Variants in TRIO observed in about 807,000 individuals in gnomAD.
TRIO encodes the protein trio Rho guanine nucleotide exchange factor.
A neutral mutation model predicts 351.9 loss-of-function variants in TRIO; 58 were observed. The ratio of observed to expected loss-of-function variants is 0.16; its 90% CI spans 0.13 to 0.21. The LOEUF is 0.21. Among genes scored for constraint, TRIO ranks in the 10% least tolerant of loss-of-function variants. The pLI is 1.00. For missense variants in TRIO, 3,201 were observed against 4,027.8 expected (o/e 0.79, Z 5.56); for synonymous variants, 1,758 against 1,595.7 (o/e 1.10, Z -2.42).
At chr5:14,490,914 T>A (rs1419498213) in intron 48 of TRIO, 2 of 453,588 alleles carry the variant, frequency 4.4e-6, no homozygotes, top group African/African-American at 4.0e-5. Flanking sequence ...AAGTCCATGC[T>A]AAAAGTATAA....
chr5:14,242,901 CT>C (rs1170273332), intron 1 of TRIO, among the ~76,000 whole-genome samples: 9 of 152,202 alleles, frequency 5.9e-5, no homozygotes, highest in Non-Finnish European at 1.0e-4. Flanking sequence ...AACACAGGCC[CT>C]GCCTTCTCTA....
intron 11 of TRIO, among the ~76,000 whole-genome samples, chr5:14,343,789 C>T (rs949465139): frequency 2.0e-5 from 3 of 152,196 alleles, no homozygotes; most frequent in Non-Finnish European, 2.9e-5. Flanking sequence ...CCCAGGAGTG[C>T]GTTTGCTGGG....
intron 34 of TRIO, among the ~76,000 whole-genome samples, chr5:14,455,030 C>T (rs947631947): frequency 2.0e-5 from 3 of 151,928 alleles, no homozygotes; most frequent in African/African-American, 7.3e-5. Flanking sequence ...CCGGTGGGTT[C>T]GTGGTCTCGC....
chr5:14,182,868 C>A (rs1013767340), intron 1 of TRIO, among the ~76,000 whole-genome samples: 147 of 65,442 alleles, frequency 2.2e-3, no homozygotes, highest in Admixed American at 5.8e-3. Flanking sequence ...GGAGACCCCC[C>A]CCCCTCCACT....
At chr5:14,344,016 C>G (rs978868599) in intron 11 of TRIO, among the ~76,000 whole-genome samples, 1 of 152,168 alleles carries the variant, frequency 6.6e-6, no homozygotes, top group African/African-American at 2.4e-5. Flanking sequence ...ATGATCGAGC[C>G]TCAGTAATTT....
intron 19 of TRIO, among the ~76,000 whole-genome samples, chr5:14,376,352 A>G (rs375660451): frequency 9.3e-4 from 142 of 152,362 alleles, no homozygotes; most frequent in African/African-American, 3.3e-3. Context: ...AAAAACTCAA[A>G]AAGTGTACAA....
In TRIO at chr5:14,498,635, T is replaced by A; in HGVS notation, c.8327T>A (p.Val2776Asp). 1 of 1,613,680 alleles carries A rather than the reference T, an allele frequency of 6.2e-7. No homozygotes were observed. The highest frequency in any genetic ancestry group is 8.5e-7 in the Non-Finnish European group (1 of 1,179,626). The change falls in exon 53 of 57, where the codon GTC becomes GAC. Residue 2776 changes from valine to aspartate, a missense_variant. Coordinates refer to ENST00000344204, the MANE Select transcript of TRIO (RefSeq NM_007118.4). ...GSASSSASLR[V>D]LGPGMDGIMV... ...GCCTCATCGTCGGCCAGCCTGAGGG[T>A]CCTAGGTAAGCACCGTGCAACGAGG... is the stretch of plus-strand genomic sequence containing the variant.
chr5:14,440,567 C>T (rs942229541), intron 34 of TRIO, among the ~76,000 whole-genome samples: 5 of 152,336 alleles, frequency 3.3e-5, no homozygotes, highest in African/African-American at 7.2e-5. Context: ...CCTTATAGTT[C>T]GCATGCAAGA....
intron 55 of TRIO, among the ~76,000 whole-genome samples, chr5:14,506,613 GT>G (rs1484013441): frequency 6.6e-6 from 1 of 152,106 alleles, no homozygotes; most frequent in African/African-American, 2.4e-5. Flanking sequence ...CTGGGTAAGT[GT>G]TTTTTTAGTA....
chr5:14,504,533 TG>T lies in TRIO; in HGVS notation c.8553del (p.Val2853SerfsTer17). On this transcript the variant is annotated frameshift_variant, in exon 55 of 57. Coordinates refer to ENST00000344204, the MANE Select transcript of TRIO (RefSeq NM_007118.4). LOFTEE classifies it high-confidence loss of function. ...LGILQSLQHP[L>X]LVGLLDTFET... Reference sequence around the variant, plus strand: ...ATCCTGCAGAGCCTCCAGCACCCCCTGCTTGTCGGCCTCCTCGACACCTTTG... The same window carrying T: ...ATCCTGCAGAGCCTCCAGCACCCCCTCTTGTCGGCCTCCTCGACACCTTTG... 1 of 1,614,114 alleles carries T rather than the reference TG, an allele frequency of 6.2e-7. No individual in the cohort carries two copies.
chr5:14,493,765 C>T (rs530537743), intron 49 of TRIO, among the ~76,000 whole-genome samples: 15 of 152,322 alleles, frequency 9.8e-5, no homozygotes, highest in African/African-American at 3.6e-4. Context: ...AAGCTAAGCG[C>T]CTCTCGCACC....
intron 31 of TRIO, among the ~76,000 whole-genome samples, chr5:14,404,431 ACT>A (rs1361035381): frequency 6.6e-6 from 1 of 152,004 alleles, no homozygotes; most frequent in East Asian, 1.9e-4. Flanking sequence ...TAGGAGAATT[ACT>A]CTCTAAGTGT....
At chr5:14,338,255 C>T (rs550587946) in intron 11 of TRIO, among the ~76,000 whole-genome samples, 1 of 152,166 alleles carries the variant, frequency 6.6e-6, no homozygotes, top group Non-Finnish European at 1.5e-5. Context: ...TTTAAACTAC[C>T]AGTGGTTCTT....
intron 49 of TRIO, among the ~76,000 whole-genome samples, chr5:14,495,449 A>G (rs1756810435): frequency 6.6e-6 from 1 of 152,134 alleles, no homozygotes; most frequent in Non-Finnish European, 1.5e-5. Flanking sequence ...GTATAATGCT[A>G]TCAGTGTCAC....
intron 47 of TRIO, among the ~76,000 whole-genome samples, chr5:14,485,686 TA>T (rs1030986133): frequency 2.0e-5 from 3 of 151,788 alleles, no homozygotes; most frequent in Admixed American, 1.3e-4. Context: ...CTTTCCCCAT[TA>T]AAAAAATAAG....
intron 31 of TRIO, among the ~76,000 whole-genome samples, chr5:14,402,835 C>T (rs553046919): frequency 6.6e-6 from 1 of 150,560 alleles, no homozygotes; most frequent in Non-Finnish European, 1.5e-5. Flanking sequence ...AGTGGTAGTA[C>T]AGGCGGTGGT....
In TRIO at chr5:14,358,173, C is replaced by T. The variant is rs1276225159; in HGVS notation, c.2047-5C>T. The T allele has an allele frequency of 1.1e-5, 18 of 1,610,706 alleles. No individual in the cohort carries two copies. The highest frequency in any genetic ancestry group is 2.7e-5 in the African/African-American group (2 of 74,840). On this transcript the variant is annotated splice_region_variant and splice_polypyrimidine_tract_variant and intron_variant, in intron 11 of 56. Coordinates refer to ENST00000344204, the MANE Select transcript of TRIO (RefSeq NM_007118.4). Reference sequence around the variant, plus strand: ...CCGGCCTCACCCCCCTCTCCCCTTCCCCAGCTGTGGACGTGGCTGGAGGAG... The same window carrying T: ...CCGGCCTCACCCCCCTCTCCCCTTCTCCAGCTGTGGACGTGGCTGGAGGAG...
chr5:14,226,230 T>C (rs1216532220), intron 1 of TRIO, among the ~76,000 whole-genome samples: 1 of 152,142 alleles, frequency 6.6e-6, no homozygotes, highest in East Asian at 1.9e-4. Context: ...GGTTATTTGA[T>C]GATGATGATG....
In TRIO at chr5:14,471,907, C is replaced by T. The variant is rs116248870; in HGVS notation, c.5912+441C>T. On this transcript the variant is annotated intron_variant, in intron 38 of 56. Transcript: ENST00000344204. The stretch of plus-strand genomic sequence containing the variant: ...AATGTTACAAAAGGTTTAAACTTGC[C>T]TTTGGAGAAGGAAAAAAAAAAAACG... Among the ~76,000 whole-genome samples, 1,374 of 151,364 alleles carry T rather than the reference C, an allele frequency of 9.1e-3. 15 individuals are homozygous for T. Among genetic ancestry groups the T allele is most frequent in the African/African-American group, 0.026 (1,075 of 40,950 alleles).
Sources: allele counts gnomAD v4.1 joint callset (sites outside exome capture counted in the v4.1 genomes callset), GRCh38; gene constraint gnomAD v4.1.1; transcripts MANE v1.5; gene names NCBI Gene and HGNC (gene_info 2026-07-23, HGNC 2026-07-21).